The following ATP13A4 variants were observed in gnomAD, a reference collection of about 807,000 sequenced individuals.
ATP13A4 encodes the protein probable cation-transporting ATPase 13A4.
In ATP13A4, 114 loss-of-function variants were observed where a neutral mutation model predicts 142.5. The observed-to-expected ratio is 0.80, with a 90% CI of 0.69 to 0.93. ATP13A4 has a LOEUF of 0.93. Among genes scored for constraint, ATP13A4 ranks in the 40% least tolerant of loss-of-function variants. ATP13A4 has a pLI of 0.00. For synonymous variants in ATP13A4, 488 were observed against 514.8 expected, an observed-to-expected ratio of 0.95 and a Z score of 0.70; for missense variants, 1,392 against 1,454.0, an observed-to-expected ratio of 0.96 and a Z score of 0.69.
At chr3:193,482,918 C>T (rs1355122189) in intron 8 of ATP13A4, among the ~76,000 whole-genome samples, 1 of 152,160 alleles carries the variant, frequency 6.6e-6, no homozygotes, top group Non-Finnish European at 1.5e-5. Flanking sequence ...AATGAAAGAG[C>T]ATGTCTATAC....
intron 8 of ATP13A4, among the ~76,000 whole-genome samples, chr3:193,474,653 AAGAAAGAAAGAAAG>A (rs1473466361): frequency 6.7e-6 from 1 of 150,116 alleles, no homozygotes; most frequent in Non-Finnish European, 1.5e-5. Flanking sequence ...GAAAGGAAGA[AAGAAAGAAAGAAAG>A]AAAAAGAAAG....
chr3:193,414,837 C>T, intron 25 of ATP13A4, 87 bp from the exon 26 acceptor site: 8 of 1,340,048 alleles, frequency 6.0e-6, no homozygotes, highest in Non-Finnish European at 6.3e-6. Flanking sequence ...TTGGCCCATA[C>T]ATTTGAGGAA....
intron 1 of ATP13A4, among the ~76,000 whole-genome samples, chr3:193,530,970 C>G (rs9850843): frequency 0.13 from 20,485 of 152,056 alleles, 1,498 homozygotes; most frequent in Non-Finnish European, 0.16. Flanking sequence ...TTCAGTTCCC[C>G]GAATGGAATG....
Position 193,468,235 on chromosome 3 carries a change from G to A in ATP13A4, c.944-749C>T, listed in dbSNP as rs150833628. Among the ~76,000 whole-genome samples, 113 of 152,254 alleles carry A rather than the reference G, an allele frequency of 7.4e-4. 1 individual carries two copies. In the East Asian group the frequency reaches 0.021, roughly 28 times the overall value. ...AAGGCACTGGTGACTGAAGGAGGATGTAGAGAGATTTAACCACTTTAATCA... is the reference window on the plus strand; with the variant it reads ...AAGGCACTGGTGACTGAAGGAGGATATAGAGAGATTTAACCACTTTAATCA... On this transcript the variant is annotated intron_variant, in intron 9 of 29. Transcript: ENST00000342695.
At chr3:193,465,503 T>C (rs1718223087) in intron 11 of ATP13A4, among the ~76,000 whole-genome samples, 1 of 152,152 alleles carries the variant, frequency 6.6e-6, no homozygotes, top group Non-Finnish European at 1.5e-5. Context: ...TCTTTTTGTT[T>C]ACTTCTTTAG....
chr3:193,516,184 C>T (rs1721403359), intron 1 of ATP13A4, among the ~76,000 whole-genome samples: 1 of 152,182 alleles, frequency 6.6e-6, no homozygotes, highest in South Asian at 2.1e-4. Context: ...GAACATAAAA[C>T]TTTAAATCTA....
chr3:193,452,989 T>A (rs1310849295), intron 17 of ATP13A4, among the ~76,000 whole-genome samples: 2 of 152,090 alleles, frequency 1.3e-5, no homozygotes, highest in Non-Finnish European at 2.9e-5. Context: ...GTTAACCACT[T>A]CACAGTCACC....
intron 2 of ATP13A4, among the ~76,000 whole-genome samples, chr3:193,509,954 G>A (rs758974097): frequency 5.3e-5 from 8 of 152,200 alleles, no homozygotes; most frequent in Non-Finnish European, 1.0e-4. Flanking sequence ...TACATGGTTG[G>A]TGTGTGGTAA....
At chr3:193,473,909 A>C (rs2108649898) in intron 8 of ATP13A4, among the ~76,000 whole-genome samples, 1 of 152,332 alleles carries the variant, frequency 6.6e-6, no homozygotes, top group Admixed American at 6.5e-5. Context: ...TTAGAACATT[A>C]TTGAGACAAC....
chr3:193,529,792 T>G (rs1722217814), intron 1 of ATP13A4, among the ~76,000 whole-genome samples: 1 of 152,226 alleles, frequency 6.6e-6, no homozygotes, highest in Non-Finnish European at 1.5e-5. Flanking sequence ...TACTTTGCAT[T>G]CTAATAAAAA....
intron 2 of ATP13A4, among the ~76,000 whole-genome samples, chr3:193,576,175 C>T (rs1463122586): frequency 1.3e-5 from 2 of 151,650 alleles, no homozygotes; most frequent in Non-Finnish European, 2.9e-5. Context: ...AGCCTAAGCC[C>T]CCTGCAGAAT....
At chr3:193,569,997 C>T (rs998463575) in intron 2 of ATP13A4, among the ~76,000 whole-genome samples, 16 of 152,206 alleles carry the variant, frequency 1.1e-4, no homozygotes, top group East Asian at 7.7e-4. Flanking sequence ...TTAAAAATTA[C>T]GCATACAAAT....
intron 18 of ATP13A4, among the ~76,000 whole-genome samples, chr3:193,443,666 C>T (rs1301389313): frequency 6.6e-6 from 1 of 152,076 alleles, no homozygotes; most frequent in Non-Finnish European, 1.5e-5. Flanking sequence ...CCATAGATAG[C>T]CTAGATGTTG....
At chr3:193,491,199 T>C (rs1719923512) in intron 6 of ATP13A4, 130 bp downstream of exon 6, 7 of 786,034 alleles carry the variant, frequency 8.9e-6, no homozygotes, top group South Asian at 8.3e-5. Context: ...GAGGATAATA[T>C]GCTTGGCATA....
intron 25 of ATP13A4, among the ~76,000 whole-genome samples, chr3:193,420,042 G>C (rs572605178): frequency 1.5e-4 from 22 of 149,942 alleles, no homozygotes; most frequent in Non-Finnish European, 2.7e-4. Flanking sequence ...CTGAATTGCA[G>C]CTGTACCCTG....
intron 29 of ATP13A4, chr3:193,404,092 G>A: frequency 1.0e-6 from 1 of 985,352 alleles, no homozygotes; most frequent in Non-Finnish European, 1.2e-6. Context: ...TTAGCCAGAT[G>A]AGTTATTCTA....
At chr3:193,418,587 C>CT (rs1295017622) in intron 25 of ATP13A4, among the ~76,000 whole-genome samples, 2 of 149,564 alleles carry the variant, frequency 1.3e-5, no homozygotes, top group African/African-American at 2.5e-5. Flanking sequence ...CCAGGATCAG[C>CT]TTAGAACCAA....
chr3:193,573,276 C>CTTATATATATATGTATATATATATATAT (rs745558107), intron 2 of ATP13A4, among the ~76,000 whole-genome samples: 1 of 77,844 alleles, frequency 1.3e-5, no homozygotes, highest in African/African-American at 6.4e-5. Flanking sequence ...TATATATATA[C>CTTATATATATATGTATATATATATATAT]ATATATATAT....
At chr3:193,469,328 G>A (rs1367130794) in intron 9 of ATP13A4, among the ~76,000 whole-genome samples, 1 of 152,150 alleles carries the variant, frequency 6.6e-6, no homozygotes, top group African/African-American at 2.4e-5. Context: ...AATAAGTTGA[G>A]AAATTTAAAG....
Sources: allele counts gnomAD v4.1 joint callset (sites outside exome capture counted in the v4.1 genomes callset), GRCh38; gene constraint gnomAD v4.1.1; transcripts MANE v1.5; gene names NCBI Gene and HGNC (gene_info 2026-07-23, HGNC 2026-07-21).